MAGI1: variants seen among roughly 807,000 people sequenced by gnomAD.
The protein encoded by MAGI1 is membrane-associated guanylate kinase, WW and PDZ domain-containing protein 1.
Under a neutral mutation model 139.9 loss-of-function variants are expected in MAGI1, and 58 were observed. The observed-to-expected ratio is 0.41, with a 90% CI of 0.34 to 0.52. The LOEUF is 0.52. MAGI1 is among the 20% of genes least tolerant of loss of function. The probability of loss-of-function intolerance (pLI) is 0.12; values close to 1 mark genes in which losing one functional copy is unlikely to be tolerated. For missense variants in MAGI1, 1,874 were observed against 1,901.6 expected, an observed-to-expected ratio of 0.99 and a Z score of 0.27; for synonymous variants, 812 against 737.9, an observed-to-expected ratio of 1.10 and a Z score of -1.63.
chr3:65,737,734 G>T (rs1212453704), intron 1 of MAGI1, among the ~76,000 whole-genome samples: 1 of 152,100 alleles, frequency 6.6e-6, no homozygotes, highest in African/African-American at 2.4e-5. Flanking sequence ...TACAACCAAT[G>T]AAAGATTTTA....
intron 10 of MAGI1, among the ~76,000 whole-genome samples, chr3:65,435,508 T>C (rs1055468878): frequency 7.4e-6 from 1 of 134,766 alleles, no homozygotes; most frequent in African/African-American, 2.7e-5. Context: ...GGATGGAAGA[T>C]GGATGGATAC....
chr3:65,451,785 C>G (rs963093644), intron 6 of MAGI1, among the ~76,000 whole-genome samples: 3 of 152,192 alleles, frequency 2.0e-5, no homozygotes, highest in Non-Finnish European at 2.9e-5. Flanking sequence ...GCTGGGACCA[C>G]AGGCGCATGC....
intron 1 of MAGI1, among the ~76,000 whole-genome samples, chr3:65,832,721 A>G (rs899793726): frequency 6.6e-6 from 1 of 152,102 alleles, no homozygotes; most frequent in Non-Finnish European, 1.5e-5. Context: ...CCAGGCATAC[A>G]AGAGATATTT....
At chr3:65,812,462 T>TCACACA (rs1442446498) in intron 1 of MAGI1, among the ~76,000 whole-genome samples, 3 of 93,704 alleles carry the variant, frequency 3.2e-5, no homozygotes, top group African/African-American at 1.2e-4. Context: ...TCTCTCTCTC[T>TCACACA]CTCTCTCACA....
chr3:65,617,474 T>C (rs2083437970), intron 2 of MAGI1, among the ~76,000 whole-genome samples: 1 of 152,164 alleles, frequency 6.6e-6, no homozygotes, highest in South Asian at 2.1e-4. Context: ...ATCTCAGATG[T>C]TGTCACATCA....
At chr3:65,799,172 T>C (rs988159705) in intron 1 of MAGI1, among the ~76,000 whole-genome samples, 1 of 152,188 alleles carries the variant, frequency 6.6e-6, no homozygotes, top group Non-Finnish European at 1.5e-5. Context: ...TCTGTGAAAC[T>C]GTAATGAAGG....
intron 1 of MAGI1, among the ~76,000 whole-genome samples, chr3:65,868,118 T>C (rs748168261): frequency 1.3e-5 from 2 of 152,146 alleles, no homozygotes; most frequent in Non-Finnish European, 2.9e-5. Flanking sequence ...GCTCCAGTGC[T>C]TTCCTACCAC....
intron 1 of MAGI1, chr3:65,844,096 G>T: frequency 2.0e-6 from 1 of 503,736 alleles, no homozygotes; most frequent in South Asian, 1.4e-5. Flanking sequence ...GAGTTGGTAG[G>T]TGTGTCTGGG....
intron 2 of MAGI1, among the ~76,000 whole-genome samples, chr3:65,550,012 G>C (rs896842440): frequency 6.6e-6 from 1 of 152,144 alleles, no homozygotes; most frequent in African/African-American, 2.4e-5. Context: ...AAAAGCCTGT[G>C]TGTTCTGGGT....
chr3:65,725,441 T>C (rs1214185483), intron 1 of MAGI1, among the ~76,000 whole-genome samples: 1 of 152,178 alleles, frequency 6.6e-6, no homozygotes, highest in Non-Finnish European at 1.5e-5. Context: ...CCACAGGGTA[T>C]CACAGATCTT....
chr3:65,440,682 C>T (rs1395539980), intron 8 of MAGI1, among the ~76,000 whole-genome samples: 2 of 152,038 alleles, frequency 1.3e-5, no homozygotes, highest in African/African-American at 4.8e-5. Context: ...ATTAAAAGTA[C>T]AGGCCTTAGG....
chr3:65,700,364 C>G (rs1371300543), intron 1 of MAGI1, among the ~76,000 whole-genome samples: 1 of 152,006 alleles, frequency 6.6e-6, no homozygotes, highest in Non-Finnish European at 1.5e-5. Context: ...ACTGCTTGAA[C>G]CGGGACCCAG....
At chr3:65,447,069 G>A (rs1372360427) in intron 7 of MAGI1, among the ~76,000 whole-genome samples, 5 of 152,144 alleles carry the variant, frequency 3.3e-5, no homozygotes, top group Non-Finnish European at 5.9e-5. Context: ...AAAAATGCCA[G>A]GCAGATTCAA....
intron 1 of MAGI1, among the ~76,000 whole-genome samples, chr3:65,676,410 A>G (rs2087192144): frequency 6.6e-6 from 1 of 152,256 alleles, no homozygotes; most frequent in Non-Finnish European, 1.5e-5. Context: ...CAAGAAAAGT[A>G]ATTGGAGCAG....
At chr3:65,781,175 G>A (rs1386166347) in intron 1 of MAGI1, among the ~76,000 whole-genome samples, 1 of 151,538 alleles carries the variant, frequency 6.6e-6, no homozygotes, top group African/African-American at 2.4e-5. Flanking sequence ...CAGCCTGAGT[G>A]ACAGATCAAG....
chr3:65,940,473 A>T (rs868818916), intron 1 of MAGI1, among the ~76,000 whole-genome samples: 44 of 152,184 alleles, frequency 2.9e-4, no homozygotes, highest in African/African-American at 1.0e-3. Flanking sequence ...CAGAAAAGAA[A>T]GTGAGAAAGC....
intron 2 of MAGI1, among the ~76,000 whole-genome samples, chr3:65,609,405 C>G (rs1370537969): frequency 2.0e-5 from 3 of 151,168 alleles, no homozygotes; most frequent in Admixed American, 1.3e-4. Flanking sequence ...AGCCTCCCAA[C>G]TAGCTGGGAC....
At chr3:65,988,712 T>C (rs2066010778) in intron 1 of MAGI1, among the ~76,000 whole-genome samples, 1 of 152,106 alleles carries the variant, frequency 6.6e-6, no homozygotes, top group Non-Finnish European at 1.5e-5. Flanking sequence ...CAATCAACAG[T>C]CCAAGAGCAA....
At position 65,841,405 on chromosome 3, in the gene MAGI1, G is replaced by GT. The variant is rs1403965402; in HGVS notation, c.313+196590dup. ...ATTTTCCTCTTTTCTTTCTTTCTTTGTTTTTTTGTTTTGTTTTGTTTTGCT... is the reference window on the plus strand; with the variant it reads ...ATTTTCCTCTTTTCTTTCTTTCTTTGTTTTTTTTGTTTTGTTTTGTTTTGCT... On this transcript the variant is annotated intron_variant, in intron 1 of 22. Transcript: ENST00000402939. Among the ~76,000 whole-genome samples, 24 of 149,522 alleles carry GT rather than the reference G, an allele frequency of 1.6e-4. 1 individual carries two copies. The East Asian group carries it at 4.4e-3, about 27-fold the overall frequency.
Sources: gnomAD v4.1 joint callset for allele counts (sites outside exome capture counted in the v4.1 genomes callset) on GRCh38, gnomAD v4.1.1 for gene constraint, MANE v1.5 for transcripts, NCBI Gene and HGNC (gene_info 2026-07-23, HGNC 2026-07-21) for gene names.